The following TOP6BL variants were observed in gnomAD, a reference collection of about 807,000 sequenced individuals.
TOP6BL encodes the protein type 2 DNA topoisomerase 6 subunit B-like.
chr11:66,770,634 G>A, the TOP6BL span, among the ~76,000 whole-genome samples: 3 of 152,174 alleles, frequency 2.0e-5, no homozygotes, highest in African/African-American at 7.2e-5. Flanking sequence ...AACTCAGAAG[G>A]TGGAGGTTAC....
At chr11:66,822,272 T>C in the TOP6BL span, among the ~76,000 whole-genome samples, 1 of 152,220 alleles carries the variant, frequency 6.6e-6, no homozygotes. Flanking sequence ...AAGCTTTTTT[T>C]TTTTTTCCCA....
chr11:66,762,050 C>A, the TOP6BL span: 1 of 1,385,266 alleles, frequency 7.2e-7, no homozygotes, highest in Non-Finnish European at 1.0e-6. Flanking sequence ...AGCAACTTTC[C>A]GCACTAATTT....
the TOP6BL span, among the ~76,000 whole-genome samples, chr11:66,816,454 C>T: frequency 2.0e-5 from 3 of 152,274 alleles, no homozygotes; most frequent in South Asian, 4.2e-4. Flanking sequence ...TAGGGATCAG[C>T]GGTTTTCAAC....
At chr11:66,841,394 G>C in the TOP6BL span, among the ~76,000 whole-genome samples, 2 of 151,974 alleles carry the variant, frequency 1.3e-5, no homozygotes, top group Admixed American at 1.3e-4. Flanking sequence ...GGGATTACAG[G>C]CATGAGCCAC....
chr11:66,823,815 T>C, the TOP6BL span, among the ~76,000 whole-genome samples: 1,252 of 152,234 alleles, frequency 8.2e-3, 25 homozygotes, highest in African/African-American at 0.029. Context: ...AGATTCCGTC[T>C]CAAAAAAGAA....
chr11:66,818,945 T>C, the TOP6BL span, among the ~76,000 whole-genome samples: 1 of 152,216 alleles, frequency 6.6e-6, no homozygotes, highest in Non-Finnish European at 1.5e-5. Context: ...GTACTCAGTA[T>C]TGGATTTAAA....
the TOP6BL span, among the ~76,000 whole-genome samples, chr11:66,812,634 A>G: frequency 6.6e-6 from 1 of 152,164 alleles, no homozygotes; most frequent in African/African-American, 2.4e-5. Context: ...TAATCTTCAC[A>G]ATACCTTGTG....
At chr11:66,775,179 G>A in the TOP6BL span, among the ~76,000 whole-genome samples, 2 of 150,340 alleles carry the variant, frequency 1.3e-5, no homozygotes, top group Non-Finnish European at 1.5e-5. Flanking sequence ...GCTATTAAAT[G>A]GAATTATAGA....
At chr11:66,753,012 C>G in the TOP6BL span, among the ~76,000 whole-genome samples, 1 of 151,948 alleles carries the variant, frequency 6.6e-6, no homozygotes, top group Non-Finnish European at 1.5e-5. Flanking sequence ...GGCTGTAGTC[C>G]TAGCTACTCC....
chr11:66,773,648 C>A, the TOP6BL span, among the ~76,000 whole-genome samples: 22 of 152,238 alleles, frequency 1.4e-4, no homozygotes, highest in Non-Finnish European at 2.8e-4. Context: ...GTCTTACTTG[C>A]TCTTCTGTTT....
chr11:66,832,336 G>A, the TOP6BL span, among the ~76,000 whole-genome samples: 1 of 152,106 alleles, frequency 6.6e-6, no homozygotes, highest in Non-Finnish European at 1.5e-5. Flanking sequence ...TCCTGACCTC[G>A]TGATCCTCCG....
At chr11:66,759,874 G>T in the TOP6BL span, among the ~76,000 whole-genome samples, 1 of 152,148 alleles carries the variant, frequency 6.6e-6, no homozygotes, top group African/African-American at 2.4e-5. Context: ...GAGCCACCAT[G>T]CCTGGCAGAA....
chr11:66,778,998 A>G, the TOP6BL span, among the ~76,000 whole-genome samples: 2 of 152,230 alleles, frequency 1.3e-5, no homozygotes, highest in African/African-American at 4.8e-5. Context: ...CTTACACCTT[A>G]TACAAAAATT....
chr11:66,797,083 T>G, the TOP6BL span, among the ~76,000 whole-genome samples: 204 of 151,552 alleles, frequency 1.3e-3, 3 homozygotes, highest in Admixed American at 0.012. Context: ...CACTGCAACC[T>G]CTGCCTCCCA....
At chr11:66,750,437 C>G in the TOP6BL span, among the ~76,000 whole-genome samples, 1 of 152,016 alleles carries the variant, frequency 6.6e-6, no homozygotes, top group Non-Finnish European at 1.5e-5. Context: ...ATCCCAGCTA[C>G]TCGGGAGGCT....
At chr11:66,843,295 G>C in the TOP6BL span, 27 of 1,579,644 alleles carry the variant, frequency 1.7e-5, no homozygotes, top group South Asian at 2.2e-4. Flanking sequence ...GTTATCCCGT[G>C]GTTTAATAAA....
the TOP6BL span, chr11:66,796,241 T>G: frequency 7.2e-7 from 1 of 1,397,156 alleles, no homozygotes; most frequent in Non-Finnish European, 1.0e-6. Flanking sequence ...GCTCTTGAGA[T>G]TGTGTATGTG....
the TOP6BL span, among the ~76,000 whole-genome samples, chr11:66,808,338 C>A: frequency 2.6e-5 from 4 of 152,032 alleles, no homozygotes; most frequent in African/African-American, 9.7e-5. Flanking sequence ...AGTTCGAGAT[C>A]AGCCTGGGAA....
the TOP6BL span, chr11:66,761,944 C>A: frequency 3.3e-6 from 5 of 1,536,906 alleles, no homozygotes; most frequent in Non-Finnish European, 4.5e-6. Context: ...AATTCAGGGT[C>A]TTCAACCTTC....
Sources: allele counts gnomAD v4.1 joint callset (sites outside exome capture counted in the v4.1 genomes callset), GRCh38; gene constraint gnomAD v4.1.1; transcripts MANE v1.5; gene names NCBI Gene and HGNC (gene_info 2026-07-23, HGNC 2026-07-21).